The following CSMD1 variants were observed in gnomAD, a reference collection of about 807,000 sequenced individuals.
CSMD1 encodes the protein CUB and sushi domain-containing protein 1.
Under a neutral mutation model 417.5 loss-of-function variants are expected in CSMD1, and 213 were observed. The observed-to-expected ratio is 0.51, with a 90% CI of 0.46 to 0.57. CSMD1 has a LOEUF of 0.57. Among genes scored for constraint, CSMD1 ranks in the 20% least tolerant of loss-of-function variants. The pLI, the probability that CSMD1 is intolerant of heterozygous loss-of-function variation, is 0.00. For missense variants in CSMD1, 6,923 were observed against 4,529.7 expected, an observed-to-expected ratio of 1.53 and a Z score of -15.17; for synonymous variants, 2,862 against 1,736.8, an observed-to-expected ratio of 1.65 and a Z score of -16.11.
At chr8:3,624,085 T>C (rs192857420) in intron 7 of CSMD1, among the ~76,000 whole-genome samples, 4 of 152,282 alleles carry the variant, frequency 2.6e-5, no homozygotes, top group Admixed American at 2.0e-4. Flanking sequence ...TTTTGGTTAA[T>C]AAAAACTTAT....
intron 3 of CSMD1, among the ~76,000 whole-genome samples, chr8:4,094,979 T>C (rs746477465): frequency 4.6e-5 from 7 of 152,138 alleles, no homozygotes; most frequent in African/African-American, 9.7e-5. Context: ...TTCAATAATA[T>C]AGTATTATAC....
chr8:3,847,315 T>C (rs548117756), intron 5 of CSMD1, among the ~76,000 whole-genome samples: 24 of 152,282 alleles, frequency 1.6e-4, no homozygotes, highest in African/African-American at 5.8e-4. Flanking sequence ...GAACCTGACC[T>C]ACTTAGAGGA....
intron 3 of CSMD1, among the ~76,000 whole-genome samples, chr8:4,033,214 G>C (rs1003434555): frequency 6.6e-6 from 1 of 151,190 alleles, no homozygotes; most frequent in Non-Finnish European, 1.5e-5. Context: ...GCCGAGGCAG[G>C]AGGATCGTGA....
intron 26 of CSMD1, among the ~76,000 whole-genome samples, chr8:3,243,329 G>T (rs140194177): frequency 1.3e-5 from 2 of 152,136 alleles, no homozygotes; most frequent in African/African-American, 2.4e-5. Context: ...TTTCACTCGC[G>T]TCCATGTGAA....
chr8:4,084,015 C>T (rs539587666), intron 3 of CSMD1, among the ~76,000 whole-genome samples: 2 of 152,114 alleles, frequency 1.3e-5, no homozygotes, highest in South Asian at 4.1e-4. Flanking sequence ...CAAACAACCC[C>T]ATCAAGAAGT....
At chr8:3,866,562 C>T (rs778762158) in intron 5 of CSMD1, among the ~76,000 whole-genome samples, 8 of 152,126 alleles carry the variant, frequency 5.3e-5, no homozygotes, top group Non-Finnish European at 1.0e-4. Context: ...CTTTTTAGTT[C>T]TGGTGATGAC....
At chr8:3,459,655 G>A (rs1052117708) in intron 12 of CSMD1, among the ~76,000 whole-genome samples, 2 of 152,056 alleles carry the variant, frequency 1.3e-5, no homozygotes, top group African/African-American at 4.8e-5. Flanking sequence ...CAGGGGAGGT[G>A]GACTCAGAGA....
chr8:3,647,372 T>G (rs866487278), intron 7 of CSMD1, among the ~76,000 whole-genome samples: 9 of 83,858 alleles, frequency 1.1e-4, no homozygotes, highest in Non-Finnish European at 1.6e-4. Context: ...TAAAGTGAAA[T>G]ACAGCATAGA....
intron 39 of CSMD1, among the ~76,000 whole-genome samples, chr8:3,154,193 G>A (rs946703698): frequency 6.6e-5 from 10 of 152,146 alleles, no homozygotes; most frequent in East Asian, 1.9e-4. Context: ...GGCTGGTCTC[G>A]AACTCCTGAC....
intron 3 of CSMD1, among the ~76,000 whole-genome samples, chr8:4,195,569 G>A (rs1162072529): frequency 6.6e-6 from 1 of 152,134 alleles, no homozygotes. Context: ...AATAGTATAT[G>A]GTAGAGGTGA....
chr8:4,926,282 A>AT (rs1054577510), intron 1 of CSMD1, among the ~76,000 whole-genome samples: 13 of 151,938 alleles, frequency 8.6e-5, no homozygotes, highest in African/African-American at 1.7e-4. Context: ...TTAAACATGA[A>AT]TTTTTTTTGG....
intron 50 of CSMD1, among the ~76,000 whole-genome samples, chr8:3,035,704 A>G (rs1810631860): frequency 6.6e-6 from 1 of 152,252 alleles, no homozygotes; most frequent in African/African-American, 2.4e-5. Context: ...AACTTTATAA[A>G]TCAATATTTT....
chr8:4,878,683 A>G (rs958727581), intron 1 of CSMD1, among the ~76,000 whole-genome samples: 2 of 151,956 alleles, frequency 1.3e-5, no homozygotes, highest in African/African-American at 2.4e-5. Context: ...AGGGTCTTAT[A>G]TTCTGTATTT....
At chr8:3,693,099 T>C (rs1273689708) in intron 7 of CSMD1, among the ~76,000 whole-genome samples, 1 of 152,110 alleles carries the variant, frequency 6.6e-6, no homozygotes, top group Non-Finnish European at 1.5e-5. Flanking sequence ...TGAATACAAA[T>C]CAATACATAG....
intron 2 of CSMD1, among the ~76,000 whole-genome samples, chr8:4,565,742 ATATATACATAT>A (rs1798568754): frequency 1.2e-5 from 1 of 86,942 alleles, no homozygotes; most frequent in Non-Finnish European, 2.1e-5. Context: ...CTTAAAAAAA[ATATATACATAT>A]ATATATATAT....
intron 3 of CSMD1, among the ~76,000 whole-genome samples, chr8:4,176,057 G>C (rs1798021771): frequency 6.6e-6 from 1 of 152,100 alleles, no homozygotes; most frequent in Non-Finnish European, 1.5e-5. Context: ...GAGCAGAAAA[G>C]TGTGACTTAG....
At chr8:3,937,547 T>C (rs528924818) in intron 5 of CSMD1, among the ~76,000 whole-genome samples, 4 of 149,756 alleles carry the variant, frequency 2.7e-5, no homozygotes, top group African/African-American at 5.1e-5. Context: ...CATAATACTA[T>C]TGCACACTCA....
At chr8:4,025,769 T>C (rs1376331994) in intron 4 of CSMD1, among the ~76,000 whole-genome samples, 2 of 152,170 alleles carry the variant, frequency 1.3e-5, no homozygotes, top group Non-Finnish European at 2.9e-5. Flanking sequence ...TTGTTCCCTG[T>C]TTAAGGGACA....
Position 3,574,970 on chromosome 8 carries a change from A to T in CSMD1, c.1319T>A (p.Val440Asp). The change falls in exon 10 of 70, where the codon GTC becomes GAC. Residue 440 changes from valine (V) to aspartate (D), a missense_variant. Val to Asp is a radical substitution (Grantham distance 152). Transcript: ENST00000635120. ...CTTGTCCGGGTCGGTGGTGGTGATGACCCACACACAGTGTGCATTATCTTC... is the reference window on the plus strand; with the variant it reads ...CTTGTCCGGGTCGGTGGTGGTGATGTCCCACACACAGTGTGCATTATCTTC... Reference protein sequence around the residue: ...QYEDNAHCVWVITTTDPDKVI... With the variant: ...QYEDNAHCVWDITTTDPDKVI... The T allele has an allele frequency of 3.1e-6, 5 of 1,612,536 alleles. No individual in the cohort carries two copies. The highest frequency in any genetic ancestry group is 4.2e-6 in the Non-Finnish European group (5 of 1,179,646).
Sources: allele counts gnomAD v4.1 joint callset (sites outside exome capture counted in the v4.1 genomes callset), GRCh38; gene constraint gnomAD v4.1.1; transcripts MANE v1.5; gene names NCBI Gene and HGNC (gene_info 2026-07-23, HGNC 2026-07-21).